The following PLA2G4A variants were observed in gnomAD, a reference collection of about 807,000 sequenced individuals.
PLA2G4A encodes the protein phospholipase A2 group IVA, also known as cytosolic phospholipase A2.
PLA2G4A carries 40 observed loss-of-function variants against 81.9 expected under a neutral mutation model. The ratio of observed to expected loss-of-function variants is 0.49; its 90% CI spans 0.38 to 0.64. The LOEUF (loss-of-function observed/expected upper bound fraction) is 0.64. Among genes scored for constraint, PLA2G4A ranks in the 30% least tolerant of loss-of-function variants. The pLI is 0.00. For synonymous variants in PLA2G4A, 302 were observed against 296.9 expected, an observed-to-expected ratio of 1.02 and a Z score of -0.18; for missense variants, 715 against 905.1, an observed-to-expected ratio of 0.79 and a Z score of 2.69.
chr1:186,873,464 G>A (rs907529686), intron 3 of PLA2G4A, among the ~76,000 whole-genome samples: 1 of 151,998 alleles, frequency 6.6e-6, no homozygotes, highest in Non-Finnish European at 1.5e-5. Flanking sequence ...TAAAGGTAGA[G>A]TTCCATAAAA....
chr1:186,963,603 A>G (rs1028774280), intron 14 of PLA2G4A, among the ~76,000 whole-genome samples: 5 of 152,180 alleles, frequency 3.3e-5, no homozygotes, highest in African/African-American at 9.7e-5. Flanking sequence ...GTTATTCACA[A>G]ATTTCCTCTT....
rs2102048164 is a variant in PLA2G4A at position 186,864,680 on chromosome 1, T to C, written c.34-5755T>C. 1.3e-5 allele frequency among the ~76,000 whole-genome samples: 2 copies of C among 151,268 alleles called. 1 individual carries two copies. The highest frequency in any genetic ancestry group is 3.9e-4 in the East Asian group (2 of 5,176). Reference sequence around the variant, plus strand: ...ATTATTATTATTATTATTTTGTTATTGAGTTGAGTTCCTTATATATTCTGG... The same window carrying C: ...ATTATTATTATTATTATTTTGTTATCGAGTTGAGTTCCTTATATATTCTGG... On this transcript the variant is annotated intron_variant, in intron 2 of 17. Transcript: ENST00000367466.
intron 6 of PLA2G4A, among the ~76,000 whole-genome samples, chr1:186,908,496 T>C (rs1322257516): frequency 6.6e-6 from 1 of 152,022 alleles, no homozygotes; most frequent in Non-Finnish European, 1.5e-5. Flanking sequence ...AAGAAAAGAA[T>C]ACTTTCTAAG....
chr1:186,918,065 C>T (rs1451174049), intron 7 of PLA2G4A, among the ~76,000 whole-genome samples: 1 of 152,180 alleles, frequency 6.6e-6, no homozygotes, highest in African/African-American at 2.4e-5. Flanking sequence ...CTGATTCATC[C>T]TCCTTTTATT....
At chr1:186,934,465 C>CACAA (rs1655867415) in intron 8 of PLA2G4A, among the ~76,000 whole-genome samples, 1 of 33,890 alleles carries the variant, frequency 3.0e-5, no homozygotes, top group South Asian at 1.2e-3. Flanking sequence ...TATATATATA[C>CACAA]ATACACAGAG....
intron 14 of PLA2G4A, among the ~76,000 whole-genome samples, chr1:186,959,931 T>C (rs1174297794): frequency 6.7e-6 from 1 of 148,566 alleles, no homozygotes; most frequent in African/African-American, 2.5e-5. Context: ...ATCTAGATAT[T>C]AGGTTGGAAA....
chr1:186,943,514 A>C (rs1269532438), intron 10 of PLA2G4A, among the ~76,000 whole-genome samples: 1 of 152,202 alleles, frequency 6.6e-6, no homozygotes, highest in Non-Finnish European at 1.5e-5. Context: ...AATTCCTATA[A>C]TATACCTAGA....
At chr1:186,917,595 G>A (rs2102170436) in intron 7 of PLA2G4A, among the ~76,000 whole-genome samples, 1 of 152,242 alleles carries the variant, frequency 6.6e-6, no homozygotes, top group South Asian at 2.1e-4. Flanking sequence ...TCCGTACCAA[G>A]TGAGCCACAA....
chr1:186,977,304 T>C (rs1006934997), intron 15 of PLA2G4A, among the ~76,000 whole-genome samples: 1 of 152,258 alleles, frequency 6.6e-6, no homozygotes, highest in African/African-American at 2.4e-5. Context: ...ATAATTTTTT[T>C]TCTCTAGCAG....
chr1:186,963,126 G>A (rs1382499691), intron 14 of PLA2G4A, among the ~76,000 whole-genome samples: 1 of 152,070 alleles, frequency 6.6e-6, no homozygotes, highest in Admixed American at 6.6e-5. Context: ...ATACATAATA[G>A]ACTCAGTATA....
At chr1:186,854,998 T>C (rs889368153) in intron 2 of PLA2G4A, among the ~76,000 whole-genome samples, 8 of 152,010 alleles carry the variant, frequency 5.3e-5, no homozygotes, top group African/African-American at 1.9e-4. Context: ...GATAAAGGTT[T>C]TATGGATATT....
chr1:186,983,163 A>C (rs904269239), intron 17 of PLA2G4A, among the ~76,000 whole-genome samples: 1 of 152,198 alleles, frequency 6.6e-6, no homozygotes, highest in African/African-American at 2.4e-5. Context: ...ATGGTACTTA[A>C]AGAGCAACAA....
chr1:186,958,557 A>T (rs1222350912), intron 14 of PLA2G4A, among the ~76,000 whole-genome samples: 1 of 152,184 alleles, frequency 6.6e-6, no homozygotes, highest in Non-Finnish European at 1.5e-5. Context: ...TAATTCTGTC[A>T]TCTTTGCCTA....
intron 3 of PLA2G4A, among the ~76,000 whole-genome samples, chr1:186,884,254 C>T (rs886238861): frequency 1.3e-5 from 2 of 149,944 alleles, no homozygotes; most frequent in African/African-American, 4.9e-5. Context: ...CTAATCCTCC[C>T]CCTTTTTTTT....
intron 3 of PLA2G4A, among the ~76,000 whole-genome samples, 169 bp from the exon 4 acceptor site, chr1:186,892,841 AG>A (rs1223645044): frequency 6.6e-6 from 1 of 152,262 alleles, no homozygotes; most frequent in Non-Finnish European, 1.5e-5. Flanking sequence ...ATATGTAAAA[AG>A]TATCTACCCT....
chr1:186,886,238 T>C (rs1245656706), intron 3 of PLA2G4A, among the ~76,000 whole-genome samples: 2 of 152,106 alleles, frequency 1.3e-5, no homozygotes, highest in African/African-American at 4.8e-5. Context: ...AAATGATAGA[T>C]TAATGGACTA....
chr1:186,970,698 T>C (rs148359863), intron 15 of PLA2G4A, among the ~76,000 whole-genome samples: 35 of 152,194 alleles, frequency 2.3e-4, no homozygotes, highest in African/African-American at 8.4e-4. Context: ...GGCAACTTTG[T>C]TGCAAATGAG....
chr1:186,845,296 A>G (rs1190810031), intron 1 of PLA2G4A, among the ~76,000 whole-genome samples: 1 of 152,204 alleles, frequency 6.6e-6, no homozygotes, highest in Non-Finnish European at 1.5e-5. Context: ...GGGGATCATC[A>G]CCAGTTTCAT....
chr1:186,873,434 A>ATAGT (rs1653357285), intron 3 of PLA2G4A, among the ~76,000 whole-genome samples: 1 of 152,106 alleles, frequency 6.6e-6, no homozygotes, highest in South Asian at 2.1e-4. Flanking sequence ...TCTGTTGTTG[A>ATAGT]TAGTGTCTGC....
Sources: gnomAD v4.1 joint callset for allele counts (sites outside exome capture counted in the v4.1 genomes callset) on GRCh38, gnomAD v4.1.1 for gene constraint, MANE v1.5 for transcripts, NCBI Gene and HGNC (gene_info 2026-07-23, HGNC 2026-07-21) for gene names.